Variants in ITIH4 observed in about 807,000 individuals in gnomAD.
ITIH4 encodes the protein inter-alpha-trypsin inhibitor heavy chain H4.
Under a neutral mutation model 111.8 loss-of-function variants are expected in ITIH4, and 79 were observed. The observed-to-expected ratio is 0.71, with a 90% CI of 0.59 to 0.85. The LOEUF (loss-of-function observed/expected upper bound fraction) is 0.85, where lower values mean the gene tolerates loss of function less well. Among genes scored for constraint, ITIH4 ranks in the 40% least tolerant of loss-of-function variants. ITIH4 has a pLI of 0.00. For synonymous variants in ITIH4, 472 were observed against 468.3 expected, an observed-to-expected ratio of 1.01 and a Z score of -0.10; for missense variants, 1,065 against 1,195.8, an observed-to-expected ratio of 0.89 and a Z score of 1.61.
chr3:52,815,369 G>A (rs952615532), intron 21 of ITIH4, among the ~76,000 whole-genome samples: 23 of 150,950 alleles, frequency 1.5e-4, no homozygotes, highest in African/African-American at 4.6e-4. Context: ...TCAGCCTCCC[G>A]AGTAGCTGGG....
chr3:52,828,695 G>T (rs1197466366), intron 2 of ITIH4, among the ~76,000 whole-genome samples: 1 of 152,152 alleles, frequency 6.6e-6, no homozygotes, highest in Admixed American at 6.5e-5. Flanking sequence ...TCCCAGCTGG[G>T]GCAGACCTAG....
At chr3:52,819,646 A>C in intron 16 of ITIH4, 108 bp downstream of exon 16, 1 of 1,570,830 alleles carries the variant, frequency 6.4e-7, no homozygotes, top group Non-Finnish European at 8.7e-7. Flanking sequence ...CACCCGGCCA[A>C]CTTGGGGAGC....
At chr3:52,829,307 C>G in intron 1 of ITIH4, 28 bp from the exon 2 acceptor site, 2 of 1,586,922 alleles carry the variant, frequency 1.3e-6, no homozygotes, top group Non-Finnish European at 8.6e-7. Flanking sequence ...AAGGGGGTTG[C>G]AGGGTTTCAA....
chr3:52,816,403 C>T (rs1700277712), intron 21 of ITIH4, among the ~76,000 whole-genome samples: 2 of 152,228 alleles, frequency 1.3e-5, no homozygotes, highest in African/African-American at 2.4e-5. Context: ...CAGTGCTCTC[C>T]AGCTTCTCAC....
At chr3:52,819,071 T>C (rs2710319) in intron 17 of ITIH4, 25,575 of 368,396 alleles carry the variant, frequency 0.069, 3,868 homozygotes, top group African/African-American at 0.35. Context: ...TGCTCTGTCA[T>C]GGCCTGTGGT....
intron 20 of ITIH4, among the ~76,000 whole-genome samples, 196 bp from the exon 21 acceptor site, chr3:52,817,254 T>TC (rs1057431265): frequency 1.3e-5 from 2 of 152,194 alleles, no homozygotes; most frequent in Non-Finnish European, 2.9e-5. Context: ...TCCCTTGGTG[T>TC]CTAAGGCTTT....
At chr3:52,823,339 G>A (rs1700419131) in intron 11 of ITIH4, 1 of 571,344 alleles carries the variant, frequency 1.8e-6, no homozygotes, top group African/African-American at 1.9e-5. Context: ...CCTCACCTGT[G>A]CTTGCAGGTG....
intron 21 of ITIH4, among the ~76,000 whole-genome samples, chr3:52,815,884 CTA>C (rs1700272250): frequency 6.6e-6 from 1 of 152,066 alleles, no homozygotes; most frequent in Admixed American, 6.5e-5. Flanking sequence ...CGGGGTTTCA[CTA>C]TGTTGGCCAG....
intron 1 of ITIH4, 136 bp from the exon 2 acceptor site, chr3:52,829,415 C>A (rs1186145000): frequency 3.3e-6 from 3 of 897,870 alleles, no homozygotes; most frequent in Admixed American, 2.5e-5. Flanking sequence ...ACTGACCAGG[C>A]CTCAGGCTGA....
At chr3:52,815,702 CT>C (rs1190812973) in intron 21 of ITIH4, among the ~76,000 whole-genome samples, 1 of 143,926 alleles carries the variant, frequency 6.9e-6, no homozygotes, top group African/African-American at 2.6e-5. Context: ...TTTTTTTTTC[CT>C]TTTTTCGGAG....
chr3:52,829,065 G>A, intron 2 of ITIH4, 54 bp downstream of exon 2: 1 of 1,488,528 alleles, frequency 6.7e-7, no homozygotes, highest in East Asian at 2.4e-5. Flanking sequence ...ACAGAGCGAT[G>A]GAGTCATAGC....
chr3:52,825,414 C>G (rs1578780261), intron 6 of ITIH4: 1 of 146,156 alleles, frequency 6.8e-6, no homozygotes, highest in East Asian at 2.0e-4. Context: ...CCAGCCTGGG[C>G]AACCTTGTCT....
intron 2 of ITIH4, 71 bp from the exon 3 acceptor site, chr3:52,827,268 A>G: frequency 7.9e-7 from 1 of 1,268,292 alleles, no homozygotes; most frequent in South Asian, 1.2e-5. Context: ...CCTCCTCCAG[A>G]GAGCCTTTCT....
chr3:52,816,841 C>T, intron 21 of ITIH4, 43 bp downstream of exon 21: 2 of 1,589,804 alleles, frequency 1.3e-6, no homozygotes, highest in Non-Finnish European at 1.7e-6. Flanking sequence ...CCACTGTAGC[C>T]TGAAAGGTCA....
intron 2 of ITIH4, among the ~76,000 whole-genome samples, chr3:52,828,015 A>G (rs1042895874): frequency 6.6e-6 from 1 of 152,182 alleles, no homozygotes; most frequent in Non-Finnish European, 1.5e-5. Context: ...CTTCCTGGTT[A>G]TAATTTAACT....
At chr3:52,814,672 TG>T (rs1159041330) in intron 21 of ITIH4, among the ~76,000 whole-genome samples, 1 of 152,046 alleles carries the variant, frequency 6.6e-6, no homozygotes, top group Non-Finnish European at 1.5e-5. Context: ...TTGCAACCTG[TG>T]CCTCCTCGGC....
rs374789179 is a variant in ITIH4, at chr3:52,829,639, C to A, written c.91-360G>T. On this transcript the variant is annotated intron_variant, in intron 1 of 23. Coordinates refer to ENST00000266041, the MANE Select transcript of ITIH4 (RefSeq NM_002218.5). ...AGGGGCATCACACTCAGCCTTTGGG[C>A]AGGGGTGAGAGACCTGGTGGGGTCA... 5.8e-4 allele frequency among the ~76,000 whole-genome samples: 89 copies of A among 152,292 alleles called. No homozygotes were observed. In the South Asian group the frequency reaches 0.018, roughly 30 times the overall value.
At chr3:52,820,548 G>T in intron 13 of ITIH4, 83 bp downstream of exon 13, 1 of 1,491,568 alleles carries the variant, frequency 6.7e-7, no homozygotes, top group Non-Finnish European at 9.1e-7. Flanking sequence ...TTGGGGTCTT[G>T]GTCAGGATGC....
Position 52,824,355 on chromosome 3 carries a change from G to C in ITIH4, c.1046-40C>G. On this transcript the variant is annotated intron_variant, in intron 8 of 23. Coordinates refer to ENST00000266041, the MANE Select transcript of ITIH4 (RefSeq NM_002218.5). The surrounding 1 kb of genome is among the most constrained non-coding windows in gnomAD (Gnocchi z 4.3). ...CTCTCAAGGTGGTCCCCAGCCAGGA[G>C]CCCTGGAAGCCCCCACCCTGCAGGG... 4.3e-6 allele frequency: 7 copies of C among 1,611,948 alleles called. No homozygotes were observed. The highest frequency in any genetic ancestry group is 4.2e-6 in the Non-Finnish European group (5 of 1,178,338).
Sources: gnomAD v4.1 joint callset for allele counts (sites outside exome capture counted in the v4.1 genomes callset) on GRCh38, gnomAD v4.1.1 for gene constraint, Gnocchi (gnomAD v3.1) non-coding constraint, MANE v1.5 for transcripts, NCBI Gene and HGNC (gene_info 2026-07-23, HGNC 2026-07-21) for gene names.